The following CEP135 variants were observed in gnomAD, a reference collection of about 807,000 sequenced individuals.
CEP135 encodes centrosomal protein of 135 kDa.
A neutral mutation model predicts 157.3 loss-of-function variants in CEP135; 142 were observed. The observed-to-expected ratio is 0.90, with a 90% CI of 0.79 to 1.04. CEP135 has a LOEUF of 1.04. Ranked by LOEUF, CEP135 falls within the 50% of genes least tolerant of loss-of-function variation. CEP135 has a pLI of 0.00. For missense variants in CEP135, 1,317 were observed against 1,309.2 expected (o/e 1.01, Z -0.09); for synonymous variants, 396 against 439.8 (o/e 0.90, Z 1.25).
intron 9 of CEP135, among the ~76,000 whole-genome samples, chr4:55,970,585 C>G (rs181552418): frequency 3.3e-5 from 5 of 152,154 alleles, no homozygotes; most frequent in Non-Finnish European, 7.3e-5. Flanking sequence ...TGTATGTGCA[C>G]TAAATGTTGG....
intron 13 of CEP135, among the ~76,000 whole-genome samples, chr4:55,983,670 C>T (rs955793931): frequency 6.6e-6 from 1 of 151,620 alleles, no homozygotes; most frequent in Admixed American, 6.6e-5. Context: ...GTCCCGCTCA[C>T]TGCAACCTCC....
intron 11 of CEP135, among the ~76,000 whole-genome samples, chr4:55,976,326 T>A (rs1198890695): frequency 6.6e-6 from 1 of 151,752 alleles, no homozygotes; most frequent in Non-Finnish European, 1.5e-5. Flanking sequence ...TGTTGCTGAG[T>A]TTTTTTTAAA....
At chr4:56,008,449 C>T (rs1309466328) in intron 18 of CEP135, 67 bp downstream of exon 18, 8 of 1,205,792 alleles carry the variant, frequency 6.6e-6, no homozygotes, top group African/African-American at 1.5e-5. Flanking sequence ...TTTATCTATT[C>T]AGTAGCATTG....
intron 13 of CEP135, among the ~76,000 whole-genome samples, chr4:55,982,239 CATA>C (rs1446145517): frequency 6.6e-6 from 1 of 152,170 alleles, no homozygotes; most frequent in Non-Finnish European, 1.5e-5. Context: ...CTCTCATTAG[CATA>C]ATGTTTTCGA....
At position 55,965,628 on chromosome 4, in the gene CEP135, T is replaced by G; in HGVS notation, c.829-16T>G. On this transcript the variant is annotated splice_polypyrimidine_tract_variant and intron_variant, in intron 7 of 25. Transcript: ENST00000257287. ...TTTCCAATTCATATACCTCATAAAT[T>G]ACAACTCCAATTTAGGTTGACTTTC... The G allele has an allele frequency of 6.3e-7, 1 of 1,579,206 alleles. No homozygotes were observed. Among genetic ancestry groups the G allele is most frequent in the South Asian group, 1.2e-5 (1 of 84,980 alleles).
intron 21 of CEP135, among the ~76,000 whole-genome samples, chr4:56,013,111 G>A (rs879777006): frequency 4.6e-5 from 7 of 152,104 alleles, no homozygotes; most frequent in South Asian, 2.1e-4. Context: ...GCGGTATCTC[G>A]TGGTTCTGAT....
At chr4:56,006,926 C>T (rs56135775) in intron 17 of CEP135, among the ~76,000 whole-genome samples, 3,256 of 152,208 alleles carry the variant, frequency 0.021, 117 homozygotes, top group African/African-American at 0.075. Flanking sequence ...CAGAGTCTTG[C>T]TCTGTCACCT....
In CEP135 at chr4:55,991,964, A is replaced by G. The variant is rs779627805; in HGVS notation, c.1888A>G (p.Lys630Glu). 5 of 1,533,204 alleles carry G rather than the reference A, an allele frequency of 3.3e-6. No individual in the cohort carries two copies. The highest frequency in any genetic ancestry group is 1.9e-5 in the Admixed American group (1 of 51,776). 95.0% of individuals were successfully genotyped at this position (1,533,204 alleles called of 1,614,324 possible). The change falls in exon 15 of 26, where the codon AAA becomes GAA. Residue 630 changes from lysine (K) to glutamate (E), a missense_variant. Transcript: ENST00000257287. ...LESEKYELKSKVLIMKETIES... is the reference protein window; with the variant it reads ...LESEKYELKSEVLIMKETIES... ...AAGCGAAAAATATGAATTAAAGTCT[A>G]AAGTGTTAATAATGAAAGAAACAAT...
chr4:55,964,128 C>A, intron 6 of CEP135, 146 bp from the exon 7 acceptor site: 1 of 612,124 alleles, frequency 1.6e-6, no homozygotes, highest in Non-Finnish European at 2.6e-6. Context: ...TGCATTTATG[C>A]ATATAATATA....
intron 11 of CEP135, among the ~76,000 whole-genome samples, chr4:55,977,293 A>C (rs1255962459): frequency 6.6e-6 from 1 of 152,112 alleles, no homozygotes; most frequent in Non-Finnish European, 1.5e-5. Context: ...TTTTAATATC[A>C]ATTCTCTATT....
At chr4:56,001,908 CCTCTT>C (rs1437444425) in intron 17 of CEP135, among the ~76,000 whole-genome samples, 3 of 151,844 alleles carry the variant, frequency 2.0e-5, no homozygotes, top group African/African-American at 7.3e-5. Context: ...TTTTTTATGG[CCTCTT>C]CTATTTCTTT....
chr4:55,988,784 C>T (rs1363745593), intron 14 of CEP135, among the ~76,000 whole-genome samples: 3 of 148,662 alleles, frequency 2.0e-5, no homozygotes, highest in East Asian at 2.0e-4. Context: ...GGTGAAACCC[C>T]GTCTCTACTA....
rs943056445 is a variant in CEP135, at chr4:56,009,770, A to T, written c.2372A>T (p.Glu791Val). 1.2e-6 allele frequency: 2 copies of T among 1,612,390 alleles called. No homozygotes were observed. Among genetic ancestry groups the T allele is most frequent in the Non-Finnish European group, 1.7e-6 (2 of 1,179,682 alleles). ...LKETLVNRDR[E>V]INSLRRQLDA... The stretch of plus-strand genomic sequence containing the variant: ...GAAACATTGGTTAATCGAGATCGTG[A>T]GATAAACAGCCTCCGGCGCCAGCTT... Residue 791 changes from glutamate to valine, a missense_variant, in exon 19 of 26, where the codon GAG (glutamate) becomes GTG (valine). Coordinates refer to ENST00000257287, the MANE Select transcript of CEP135 (RefSeq NM_025009.5).
intron 15 of CEP135, among the ~76,000 whole-genome samples, chr4:55,995,717 T>TA: frequency 6.6e-6 from 1 of 152,310 alleles, no homozygotes; most frequent in Admixed American, 6.5e-5. Context: ...ACTCAGGCCT[T>TA]ACGGAAATTG....
intron 13 of CEP135, among the ~76,000 whole-genome samples, chr4:55,981,846 G>A (rs992341983): frequency 2.0e-5 from 3 of 152,170 alleles, no homozygotes; most frequent in South Asian, 4.1e-4. Flanking sequence ...CCCATCATAA[G>A]TAAAAAATGT....
chr4:56,025,664 T>G (rs924101408), intron 25 of CEP135, among the ~76,000 whole-genome samples: 2 of 152,150 alleles, frequency 1.3e-5, no homozygotes, highest in Admixed American at 6.5e-5. Context: ...TCTGGTAGAT[T>G]AATTTCACAA....
chr4:55,979,291 G>C (rs1033787236), intron 11 of CEP135, among the ~76,000 whole-genome samples: 6 of 152,020 alleles, frequency 3.9e-5, no homozygotes, highest in Non-Finnish European at 5.9e-5. Context: ...TGCATGGGGA[G>C]AATCAGAGTG....
chr4:55,992,895 A>AG (rs1164044391), intron 15 of CEP135, among the ~76,000 whole-genome samples: 1 of 152,206 alleles, frequency 6.6e-6, no homozygotes. Context: ...AGTAGCTGCA[A>AG]TAAGTAACAA....
intron 21 of CEP135, among the ~76,000 whole-genome samples, chr4:56,014,643 C>T (rs772791067): frequency 1.3e-5 from 2 of 151,896 alleles, no homozygotes; most frequent in Non-Finnish European, 2.9e-5. Flanking sequence ...AAGCAAAGTG[C>T]GGAAGAGACA....
Sources: gnomAD v4.1 joint callset for allele counts (sites outside exome capture counted in the v4.1 genomes callset) on GRCh38, gnomAD v4.1.1 for gene constraint, MANE v1.5 for transcripts, NCBI Gene and HGNC (gene_info 2026-07-23, HGNC 2026-07-21) for gene names.